Variants in SRGAP2B observed in about 807,000 individuals in gnomAD.
SRGAP2B encodes SLIT-ROBO Rho GTPase-activating protein 2B.
SRGAP2B carries 9 observed loss-of-function variants against 22.2 expected under a neutral mutation model. The ratio of observed to expected loss-of-function variants is 0.41; its 90% CI spans 0.24 to 0.71. The LOEUF (loss-of-function observed/expected upper bound fraction) is 0.71, where lower values mean the gene tolerates loss of function less well. SRGAP2B is among the 30% of genes least tolerant of loss of function. SRGAP2B has a pLI of 0.35. For synonymous variants in SRGAP2B, 36 were observed against 87.4 expected, an observed-to-expected ratio of 0.41 and a Z score of 3.28; for missense variants, 114 against 235.8, an observed-to-expected ratio of 0.48 and a Z score of 3.38.
chr1:145,013,748 C>T (rs1435595593), intron 2 of SRGAP2B, among the ~76,000 whole-genome samples: 5 of 149,822 alleles, frequency 3.3e-5, no homozygotes, highest in Non-Finnish European at 5.9e-5. Flanking sequence ...GCAACTCCTT[C>T]GTTTCCTTTT....
intron 2 of SRGAP2B, among the ~76,000 whole-genome samples, chr1:145,031,795 C>G (rs2102321250): frequency 7.4e-6 from 1 of 134,424 alleles, no homozygotes; most frequent in African/African-American, 3.1e-5. Flanking sequence ...TGCAGTGAGC[C>G]AAGATTGCGC....
chr1:144,979,746 C>T (rs1370783191), intron 3 of SRGAP2B, among the ~76,000 whole-genome samples: 1 of 151,264 alleles, frequency 6.6e-6, no homozygotes, highest in Non-Finnish European at 1.5e-5. Context: ...CTCTCACTCC[C>T]ACTCTCACCA....
intron 3 of SRGAP2B, among the ~76,000 whole-genome samples, chr1:144,966,228 G>A (rs1258535516): frequency 6.7e-6 from 1 of 149,690 alleles, no homozygotes; most frequent in East Asian, 1.9e-4. Flanking sequence ...AAAATGTTAA[G>A]GGCAGCCAGA....
intron 3 of SRGAP2B, among the ~76,000 whole-genome samples, chr1:144,990,746 GCCGGCCAGCCC>G: frequency 6.6e-6 from 1 of 151,296 alleles, no homozygotes; most frequent in Admixed American, 6.6e-5. Flanking sequence ...ACTCGGAGCA[GCCGGCCAGCCC>G]TGCTGGCCCC....
chr1:144,928,352 A>C (rs1664898380), intron 4 of SRGAP2B, among the ~76,000 whole-genome samples: 2 of 145,854 alleles, frequency 1.4e-5, no homozygotes, highest in African/African-American at 5.2e-5. Context: ...TACTTTGTTT[A>C]AGTTTGTTCC....
chr1:145,080,264 C>T (rs1558872787), intron 2 of SRGAP2B, among the ~76,000 whole-genome samples: 3 of 148,546 alleles, frequency 2.0e-5, no homozygotes, highest in Non-Finnish European at 4.4e-5. Flanking sequence ...ACAAGTTCAC[C>T]TGTAGGCCCA....
At position 144,999,172 on chromosome 1, in the gene SRGAP2B, T is replaced by C; in HGVS notation, c.68-3972A>G. Among the ~76,000 whole-genome samples, 2 of 151,042 alleles carry C rather than the reference T, an allele frequency of 1.3e-5. 1 individual carries two copies. The highest frequency in any genetic ancestry group is 6.4e-3 in the Middle Eastern group (2 of 314). On this transcript the variant is annotated intron_variant, in intron 2 of 9. Coordinates refer to ENST00000612199, the Ensembl canonical transcript of SRGAP2B. ...ACTCAAGAAGACTTTACACATCTGGTTTACAGTTGGATGAGAATACTTGGG... is the reference window on the plus strand; with the variant it reads ...ACTCAAGAAGACTTTACACATCTGGCTTACAGTTGGATGAGAATACTTGGG...
intron 2 of SRGAP2B, among the ~76,000 whole-genome samples, chr1:145,009,698 T>A (rs1671906231): frequency 6.9e-6 from 1 of 144,744 alleles, no homozygotes; most frequent in Non-Finnish European, 1.5e-5. Flanking sequence ...TGAAATTTTT[T>A]ATAATAAAAA....
At chr1:145,068,064 G>A (rs1406961925) in intron 2 of SRGAP2B, among the ~76,000 whole-genome samples, 9 of 46,712 alleles carry the variant, frequency 1.9e-4, no homozygotes, top group East Asian at 6.8e-4. Flanking sequence ...TTAGCCGAGC[G>A]TGGTGGCGGG....
At chr1:145,064,359 A>G (rs1404221819) in intron 2 of SRGAP2B, among the ~76,000 whole-genome samples, 2 of 149,258 alleles carry the variant, frequency 1.3e-5, no homozygotes, top group Non-Finnish European at 2.9e-5. Flanking sequence ...AGGAATCAAC[A>G]TCAAGGACTC....
chr1:144,976,084 G>T (rs1438376113), intron 3 of SRGAP2B, among the ~76,000 whole-genome samples: 2 of 148,014 alleles, frequency 1.4e-5, no homozygotes, highest in Admixed American at 1.3e-4. Flanking sequence ...GTTTCACCGT[G>T]TTAGCCAGGA....
intron 4 of SRGAP2B, among the ~76,000 whole-genome samples, chr1:144,951,488 C>CA (rs1666866993): frequency 7.0e-6 from 1 of 143,276 alleles, no homozygotes; most frequent in South Asian, 2.2e-4. Context: ...GCCTGGCCTG[C>CA]TTAATCTCTT....
chr1:144,966,011 C>T (rs1395514359), intron 3 of SRGAP2B, among the ~76,000 whole-genome samples: 1 of 150,804 alleles, frequency 6.6e-6, no homozygotes, highest in Non-Finnish European at 1.5e-5. Context: ...AAATCTACGT[C>T]TGATTGGTGT....
chr1:144,943,449 T>A (rs1174412398), intron 4 of SRGAP2B, among the ~76,000 whole-genome samples: 1 of 151,772 alleles, frequency 6.6e-6, no homozygotes, highest in Non-Finnish European at 1.5e-5. Context: ...ATATTTTTGC[T>A]TTCTGTATTT....
At chr1:145,088,247 T>C (rs1438510782) in intron 2 of SRGAP2B, among the ~76,000 whole-genome samples, 3 of 127,318 alleles carry the variant, frequency 2.4e-5, no homozygotes, top group African/African-American at 9.5e-5. Flanking sequence ...AGCTTGTTTA[T>C]ATACCAGCCA....
intron 4 of SRGAP2B, among the ~76,000 whole-genome samples, chr1:144,952,805 AACTTTTAAAATTTTTTTAGAGACAAGG>A (rs1295776778): frequency 6.6e-6 from 1 of 150,630 alleles, no homozygotes; most frequent in East Asian, 1.9e-4. Flanking sequence ...ATGCTCAGCT[AACTTTTAAAATTTTTTTAGAGACAAGG>A]TCTTGTTATG....
intron 2 of SRGAP2B, among the ~76,000 whole-genome samples, chr1:145,080,636 C>T (rs1171416293): frequency 2.7e-5 from 4 of 147,090 alleles, no homozygotes; most frequent in Admixed American, 6.7e-5. Context: ...CTGCAACCTC[C>T]GCATCCCAGG....
intron 4 of SRGAP2B, among the ~76,000 whole-genome samples, chr1:144,933,011 T>A (rs1397336469): frequency 6.7e-6 from 1 of 149,306 alleles, no homozygotes; most frequent in Non-Finnish European, 1.5e-5. Context: ...CCTGGTCTAA[T>A]GTTCATTTCC....
chr1:145,025,972 G>A (rs548512), intron 2 of SRGAP2B, among the ~76,000 whole-genome samples: 1,307 of 124,910 alleles, frequency 0.01, no homozygotes, highest in Middle Eastern at 0.04. Flanking sequence ...AGGCGGAAAG[G>A]GAAAGAATGA....
Sources: gnomAD v4.1 joint callset for allele counts (sites outside exome capture counted in the v4.1 genomes callset) on GRCh38, gnomAD v4.1.1 for gene constraint, MANE v1.5 for transcripts, NCBI Gene and HGNC (gene_info 2026-07-23, HGNC 2026-07-21) for gene names.